Variants in PPP4R1 observed in about 807,000 individuals in gnomAD.
The protein encoded by PPP4R1 is protein phosphatase 4 regulatory subunit 1.
A neutral mutation model predicts 111.2 loss-of-function variants in PPP4R1; 42 were observed. That is an observed-to-expected ratio of 0.38 (90% CI 0.29 to 0.49). The LOEUF is 0.49. Among genes scored for constraint, PPP4R1 ranks in the 20% least tolerant of loss-of-function variants. PPP4R1 has a pLI of 0.97. For missense variants in PPP4R1, 1,012 were observed against 1,161.6 expected (o/e 0.87, Z 1.87); for synonymous variants, 409 against 405.5 (o/e 1.01, Z -0.10).
chr18:9,566,561 G>C (rs1163854241), intron 11 of PPP4R1, among the ~76,000 whole-genome samples: 1 of 151,974 alleles, frequency 6.6e-6, no homozygotes, highest in African/African-American at 2.4e-5. Context: ...TGAGGCAGGA[G>C]AATCGCTTGA....
rs1040496576 is a variant in PPP4R1 at position 9,547,439 on chromosome 18, G to A, written c.*350C>T. The A allele has an allele frequency of 5.3e-6, 1 of 189,016 alleles. No individual in the cohort carries two copies. Among genetic ancestry groups the A allele is most frequent in the African/African-American group, 2.3e-5 (1 of 43,238 alleles). The allele number at this position is 189,016 out of a possible 1,614,324, so 11.7% of individuals were successfully genotyped here. The stretch of plus-strand genomic sequence containing the variant: ...TGTCGATTGTTAAATAAAACCAGGA[G>A]AAAGCAATGCAGGTCTCTGGGAATC... On this transcript the variant is annotated 3_prime_UTR_variant, in exon 20 of 20. Transcript: ENST00000400556.
At chr18:9,609,229 A>C (rs1050032391) in intron 2 of PPP4R1, among the ~76,000 whole-genome samples, 1 of 152,234 alleles carries the variant, frequency 6.6e-6, no homozygotes, top group Non-Finnish European at 1.5e-5. Flanking sequence ...GCAGCAGTCA[A>C]AACAGGCTAC....
intron 2 of PPP4R1, among the ~76,000 whole-genome samples, chr18:9,596,618 TAA>T (rs2067294302): frequency 6.6e-6 from 1 of 151,686 alleles, no homozygotes; most frequent in Non-Finnish European, 1.5e-5. Flanking sequence ...CTTTAGCTCT[TAA>T]GAGAGAAAAA....
chr18:9,580,327 C>A (rs892399067), intron 9 of PPP4R1, among the ~76,000 whole-genome samples: 2 of 149,250 alleles, frequency 1.3e-5, no homozygotes, highest in African/African-American at 4.9e-5. Context: ...ATGTAGTATA[C>A]ATCATAAAAA....
chr18:9,589,058 A>C (rs1006507885), intron 4 of PPP4R1, among the ~76,000 whole-genome samples: 6 of 152,192 alleles, frequency 3.9e-5, no homozygotes, highest in Non-Finnish European at 8.8e-5. Flanking sequence ...TCTTCAATCC[A>C]AGCTTCTGTT....
intron 4 of PPP4R1, chr18:9,590,074 G>C (rs1468563646): frequency 6.6e-6 from 1 of 152,110 alleles, no homozygotes; most frequent in East Asian, 1.9e-4. Flanking sequence ...TAGAAGACAT[G>C]CAAGTGACTG....
intron 2 of PPP4R1, among the ~76,000 whole-genome samples, chr18:9,610,620 G>A (rs141963982): frequency 6.8e-6 from 1 of 146,196 alleles, no homozygotes; most frequent in Non-Finnish European, 1.5e-5. Flanking sequence ...ACGCCACCAC[G>A]CCCAGTTAAT....
Position 9,595,929 on chromosome 18 carries a change from C to T in PPP4R1, c.53-776G>A, listed in dbSNP as rs1036524028. 2.0e-5 allele frequency among the ~76,000 whole-genome samples: 3 copies of T among 152,150 alleles called. No individual in the cohort carries two copies. The East Asian group carries it at 5.8e-4, about 29-fold the overall frequency. ...TCAAGGAAGAACTGAAAGGTGCCCA[C>T]TGAATTTGGTACTTTTGTGCCATGC... On this transcript the variant is annotated intron_variant, in intron 2 of 19. Coordinates refer to ENST00000400556, the MANE Select transcript of PPP4R1 (RefSeq NM_001042388.3).
intron 2 of PPP4R1, among the ~76,000 whole-genome samples, chr18:9,597,509 T>C (rs539546352): frequency 6.6e-6 from 1 of 152,314 alleles, no homozygotes; most frequent in East Asian, 1.9e-4. Context: ...GTCGGTATTC[T>C]GGGAAAAATA....
At chr18:9,560,873 A>G (rs2066663092) in intron 13 of PPP4R1, among the ~76,000 whole-genome samples, 1 of 151,424 alleles carries the variant, frequency 6.6e-6, no homozygotes, top group African/African-American at 2.4e-5. Flanking sequence ...TAACAACAAT[A>G]ACAAAATAAA....
At chr18:9,607,124 C>G (rs369139766) in intron 2 of PPP4R1, among the ~76,000 whole-genome samples, 1 of 152,122 alleles carries the variant, frequency 6.6e-6, no homozygotes, top group South Asian at 2.1e-4. Context: ...TTTGGGAGGC[C>G]AAGACAGGTG....
At chr18:9,607,360 CAA>C (rs34996836) in intron 2 of PPP4R1, among the ~76,000 whole-genome samples, 13 of 138,980 alleles carry the variant, frequency 9.4e-5, no homozygotes, top group East Asian at 2.1e-4. Flanking sequence ...GACCCTGTCT[CAA>C]AAAAAAAAAA....
intron 10 of PPP4R1, among the ~76,000 whole-genome samples, chr18:9,576,475 G>T (rs533766935): frequency 6.6e-6 from 1 of 151,716 alleles, no homozygotes; most frequent in Non-Finnish European, 1.5e-5. Flanking sequence ...AATCACAGCC[G>T]ACTCTTTAAG....
Position 9,563,554 on chromosome 18 carries a change from C to A in PPP4R1, c.1574-4G>T. On this transcript the variant is annotated splice_region_variant and splice_polypyrimidine_tract_variant and intron_variant, in intron 11 of 19. Coordinates refer to ENST00000400556, the MANE Select transcript of PPP4R1 (RefSeq NM_001042388.3). ...GCGGACAGCACTTCCACTTGTGCTA[C>A]AGGCAAAATAAGGAAATGGACAAAG... 6.3e-7 allele frequency: 1 copy of A among 1,576,040 alleles called. No homozygotes were observed. Among genetic ancestry groups the A allele is most frequent in the South Asian group, 1.1e-5 (1 of 87,124 alleles).
chr18:9,584,517 A>G lies in PPP4R1; in HGVS notation c.757T>C (p.Leu253=), dbSNP rs760726441. 3 of 1,612,690 alleles carry G rather than the reference A, an allele frequency of 1.9e-6. No individual in the cohort carries two copies. The highest frequency in any genetic ancestry group is 2.7e-5 in the African/African-American group (2 of 74,872). Residue 253 remains leucine (L), a splice_region_variant and synonymous_variant, in exon 8 of 20, where the codon TTG becomes CTG. Coordinates refer to ENST00000400556, the MANE Select transcript of PPP4R1 (RefSeq NM_001042388.3). ...VVGQQATEEM[L]LPRFFQLCSD... Reference sequence around the variant, plus strand: ...TCCTTTATATCTGCAATACTTACCAACATTTCTTCAGTAGCTTGCTGGCCA... The same window carrying G: ...TCCTTTATATCTGCAATACTTACCAGCATTTCTTCAGTAGCTTGCTGGCCA...
chr18:9,574,197 G>C (rs1390762636), intron 10 of PPP4R1, among the ~76,000 whole-genome samples: 1 of 152,140 alleles, frequency 6.6e-6, no homozygotes, highest in Non-Finnish European at 1.5e-5. Context: ...TAGGTATCAA[G>C]AGCACCAGAG....
At chr18:9,612,942 A>G (rs2145378494) in intron 2 of PPP4R1, among the ~76,000 whole-genome samples, 1 of 152,332 alleles carries the variant, frequency 6.6e-6, no homozygotes, top group Admixed American at 6.5e-5. Flanking sequence ...CTAAATAGTA[A>G]ATCCCCCTTA....
At position 9,547,674 on chromosome 18, in the gene PPP4R1, C is replaced by G; in HGVS notation, c.*115G>C. On this transcript the variant is annotated 3_prime_UTR_variant, in exon 20 of 20. Coordinates refer to ENST00000400556, the MANE Select transcript of PPP4R1 (RefSeq NM_001042388.3). ...GGCAACTTGCACCTGCAATGAAGTC[C>G]GCAGGAGAGGAAGGTCTCTCCTCCC... 1 of 1,304,694 alleles carries G rather than the reference C, an allele frequency of 7.7e-7. No homozygotes were observed. Among genetic ancestry groups the G allele is most frequent in the South Asian group, 1.3e-5 (1 of 74,748 alleles). The allele number at this position is 1,304,694 out of a possible 1,614,324, so 80.8% of individuals were successfully genotyped here. A position where few individuals can be genotyped will look rare whatever the true frequency, so the allele number is the denominator to read the frequency against.
At chr18:9,573,393 G>A (rs892301211) in intron 10 of PPP4R1, among the ~76,000 whole-genome samples, 8 of 152,118 alleles carry the variant, frequency 5.3e-5, no homozygotes, top group African/African-American at 1.9e-4. Flanking sequence ...AAAGAATAAA[G>A]CAAATATGGT....
Sources: gnomAD v4.1 joint callset for allele counts (sites outside exome capture counted in the v4.1 genomes callset) on GRCh38, gnomAD v4.1.1 for gene constraint, MANE v1.5 for transcripts, NCBI Gene and HGNC (gene_info 2026-07-23, HGNC 2026-07-21) for gene names.